PDE4D: variants seen among roughly 807,000 people sequenced by gnomAD.
PDE4D encodes phosphodiesterase 4D, also known as 3',5'-cyclic-AMP phosphodiesterase 4D.
Under a neutral mutation model 87.4 loss-of-function variants are expected in PDE4D, and 24 were observed. The ratio of observed to expected loss-of-function variants is 0.27; its 90% CI spans 0.20 to 0.39. The LOEUF is 0.39. Ranked by LOEUF, PDE4D falls within the 10% of genes least tolerant of loss-of-function variation. The probability of loss-of-function intolerance (pLI) is 1.00; values close to 1 mark genes in which losing one functional copy is unlikely to be tolerated. For missense variants in PDE4D, 714 were observed against 1,041.0 expected, an observed-to-expected ratio of 0.69 and a Z score of 4.32; for synonymous variants, 384 against 383.2, an observed-to-expected ratio of 1.00 and a Z score of -0.02.
intron 1 of PDE4D, among the ~76,000 whole-genome samples, chr5:59,525,813 T>C (rs1813023003): frequency 6.6e-6 from 1 of 152,158 alleles, no homozygotes; most frequent in Non-Finnish European, 1.5e-5. Context: ...TAAGGGGCTT[T>C]TTCCCCCTTT....
At chr5:59,762,330 G>GTATATGGGTACACATATGCA (rs1296088644) in intron 1 of PDE4D, among the ~76,000 whole-genome samples, 2 of 129,622 alleles carry the variant, frequency 1.5e-5, no homozygotes, top group African/African-American at 3.5e-5. Flanking sequence ...ACACATATGC[G>GTATATGGGTACACATATGCA]TATATGGGTA....
rs60199601 is a variant in PDE4D, at chr5:59,979,421, G to GGT, written c.272+9065_272+9066dup. 8.5e-3 allele frequency among the ~76,000 whole-genome samples: 1,249 copies of GGT among 147,706 alleles called. 24 individuals carry two copies. Among genetic ancestry groups the GGT allele is most frequent in the African/African-American group, 0.027 (1,088 of 40,440 alleles). On this transcript the variant is annotated intron_variant, in intron 3 of 16. Transcript: ENST00000502484. ...TATATCTAGCTTTCACACAGCAAGG[G>GGT]GTGTGTGTGTGTGTGTGTGTGTTTA... is the stretch of plus-strand genomic sequence containing the variant.
At chr5:59,780,051 T>C (rs1366258758) in intron 1 of PDE4D, among the ~76,000 whole-genome samples, 1 of 152,190 alleles carries the variant, frequency 6.6e-6, no homozygotes, top group Non-Finnish European at 1.5e-5. Context: ...TTCTATTTCT[T>C]AGGCAGAAGA....
At chr5:59,629,710 T>G (rs1831334657) in intron 1 of PDE4D, among the ~76,000 whole-genome samples, 1 of 152,182 alleles carries the variant, frequency 6.6e-6, no homozygotes, top group Non-Finnish European at 1.5e-5. Flanking sequence ...AGTGGCAACT[T>G]GATGAGGAAG....
intron 1 of PDE4D, among the ~76,000 whole-genome samples, 164 bp downstream of exon 1, chr5:59,893,004 C>T (rs1250083294): frequency 6.6e-6 from 1 of 152,052 alleles, no homozygotes; most frequent in Non-Finnish European, 1.5e-5. Context: ...ATAGCATACT[C>T]TCAATAAAGG....
chr5:60,406,972 A>C (rs1394852997), intron 1 of PDE4D, among the ~76,000 whole-genome samples: 1 of 152,192 alleles, frequency 6.6e-6, no homozygotes, highest in African/African-American at 2.4e-5. Context: ...GTAAGCACCA[A>C]GAGCAGTGTG....
chr5:60,010,118 G>C (rs1013170445), intron 2 of PDE4D, among the ~76,000 whole-genome samples: 6 of 152,070 alleles, frequency 3.9e-5, no homozygotes, highest in African/African-American at 1.4e-4. Flanking sequence ...AAGGACATAA[G>C]TGGGGAGAAT....
chr5:59,456,873 G>A (rs141848569), intron 1 of PDE4D, among the ~76,000 whole-genome samples: 194 of 152,308 alleles, frequency 1.3e-3, no homozygotes, highest in African/African-American at 4.4e-3. Flanking sequence ...ATTGGAAGTG[G>A]AGCCTGAAGA....
chr5:59,653,081 AT>A (rs1407182230), intron 1 of PDE4D, among the ~76,000 whole-genome samples: 1 of 152,148 alleles, frequency 6.6e-6, no homozygotes, highest in Non-Finnish European at 1.5e-5. Flanking sequence ...AGAAATACTA[AT>A]TTTTTAAACT....
intron 1 of PDE4D, among the ~76,000 whole-genome samples, chr5:59,595,190 A>G (rs180718614): frequency 6.6e-6 from 1 of 152,340 alleles, no homozygotes; most frequent in African/African-American, 2.4e-5. Context: ...AATTGCTTGA[A>G]GCAAAGATGT....
At chr5:59,938,135 G>A (rs1193500679) in intron 3 of PDE4D, among the ~76,000 whole-genome samples, 3 of 152,140 alleles carry the variant, frequency 2.0e-5, no homozygotes, top group Non-Finnish European at 4.4e-5. Context: ...TATTGACTAC[G>A]TGCTATTAGC....
chr5:59,499,388 C>A (rs1320538222), intron 1 of PDE4D, among the ~76,000 whole-genome samples: 2 of 147,304 alleles, frequency 1.4e-5, no homozygotes, highest in Non-Finnish European at 1.5e-5. Flanking sequence ...CAAAACTAAA[C>A]CTAGAGCTAG....
At chr5:59,158,386 C>T (rs1780553173) in intron 5 of PDE4D, among the ~76,000 whole-genome samples, 1 of 152,204 alleles carries the variant, frequency 6.6e-6, no homozygotes, top group Non-Finnish European at 1.5e-5. Context: ...GAACATGTTT[C>T]TGTCCCTAAT....
At chr5:59,472,530 T>C (rs1433814559) in intron 1 of PDE4D, among the ~76,000 whole-genome samples, 1 of 152,188 alleles carries the variant, frequency 6.6e-6, no homozygotes, top group Non-Finnish European at 1.5e-5. Flanking sequence ...ATCCTATCCA[T>C]GTCATTCATC....
chr5:59,887,789 T>C (rs1750385555), intron 1 of PDE4D, among the ~76,000 whole-genome samples: 1 of 152,104 alleles, frequency 6.6e-6, no homozygotes, highest in Non-Finnish European at 1.5e-5. Flanking sequence ...TGAAAGAATG[T>C]TTGTTTTCTG....
At chr5:59,656,200 C>G (rs1221102001) in intron 1 of PDE4D, among the ~76,000 whole-genome samples, 2 of 152,014 alleles carry the variant, frequency 1.3e-5, no homozygotes, top group Admixed American at 1.3e-4. Flanking sequence ...AAAACTCATG[C>G]ACAGGACATT....
intron 1 of PDE4D, among the ~76,000 whole-genome samples, chr5:59,828,502 C>A (rs1159549857): frequency 6.6e-6 from 1 of 151,996 alleles, no homozygotes; most frequent in Non-Finnish European, 1.5e-5. Context: ...CAGGAGGTAT[C>A]TATGCCTCAA....
chr5:59,736,620 A>C (rs1168675125), intron 1 of PDE4D, among the ~76,000 whole-genome samples: 2 of 152,048 alleles, frequency 1.3e-5, no homozygotes, highest in Admixed American at 6.6e-5. Flanking sequence ...CAGAGGTTGC[A>C]GTGAGCCGAG....
At chr5:58,991,705 C>G (rs1372814436) in intron 8 of PDE4D, 127 bp downstream of exon 8, 1 of 531,580 alleles carries the variant, frequency 1.9e-6, no homozygotes, top group Non-Finnish European at 2.7e-6. Flanking sequence ...GCCTTCCCAT[C>G]TTCAAAAAAA....
Sources: allele counts gnomAD v4.1 joint callset (sites outside exome capture counted in the v4.1 genomes callset), GRCh38; gene constraint gnomAD v4.1.1; transcripts MANE v1.5; gene names NCBI Gene and HGNC (gene_info 2026-07-23, HGNC 2026-07-21).